Variants in RASSF3 observed in about 807,000 individuals in gnomAD.
RASSF3 encodes the protein Ras association domain family member 3.
RASSF3 carries 19 observed loss-of-function variants against 19.9 expected under a neutral mutation model. That is an observed-to-expected ratio of 0.96 (90% CI 0.67 to 1.40). The LOEUF (loss-of-function observed/expected upper bound fraction) is 1.40, where lower values mean the gene tolerates loss of function less well. RASSF3 is among the 40% of genes most tolerant of loss of function. The probability of loss-of-function intolerance (pLI) is 0.00; values close to 1 mark genes in which losing one functional copy is unlikely to be tolerated. For missense variants in RASSF3, 306 were observed against 289.8 expected (o/e 1.06, Z -0.41); for synonymous variants, 110 against 104.2 (o/e 1.06, Z -0.34).
At chr12:64,511,255 T>C (rs1228577523) in intron 1 of RASSF3, among the ~76,000 whole-genome samples, 1 of 152,194 alleles carries the variant, frequency 6.6e-6, no homozygotes, top group Non-Finnish European at 1.5e-5. Flanking sequence ...GGAGTTTATA[T>C]ACCAAATGCA....
intron 4 of RASSF3, among the ~76,000 whole-genome samples, chr12:64,693,381 A>G (rs539750620): frequency 2.0e-5 from 3 of 151,688 alleles, no homozygotes; most frequent in East Asian, 1.9e-4. Context: ...CCTCCTTGAC[A>G]TTCACTGCTT....
intron 1 of RASSF3, among the ~76,000 whole-genome samples, chr12:64,540,325 T>C (rs1470132350): frequency 6.6e-6 from 1 of 152,226 alleles, no homozygotes. Flanking sequence ...CTCTTATTTA[T>C]GTGTCTTAAT....
At chr12:64,666,425 A>G (rs1334969581) in intron 1 of RASSF3, among the ~76,000 whole-genome samples, 1 of 152,200 alleles carries the variant, frequency 6.6e-6, no homozygotes, top group East Asian at 1.9e-4. Context: ...GACTCTAAAA[A>G]TACCCTTTGG....
upstream of RASSF3, among the ~76,000 whole-genome samples, chr12:64,530,839 T>G (rs771727478): frequency 7.9e-5 from 12 of 152,236 alleles, no homozygotes; most frequent in Non-Finnish European, 1.3e-4. Flanking sequence ...CATCTTTTCA[T>G]GTACTTGTTT....
chr12:64,666,813 G>A (rs1409457174), intron 1 of RASSF3, among the ~76,000 whole-genome samples: 1 of 152,228 alleles, frequency 6.6e-6, no homozygotes, highest in East Asian at 1.9e-4. Flanking sequence ...TATTTGCACA[G>A]TATTTAGGTG....
intron 1 of RASSF3, among the ~76,000 whole-genome samples, chr12:64,536,432 T>C (rs1592393188): frequency 6.6e-6 from 1 of 152,328 alleles, no homozygotes; most frequent in East Asian, 1.9e-4. Context: ...ATCAAAAGAA[T>C]AAATGTTTCC....
intron 2 of RASSF3, among the ~76,000 whole-genome samples, chr12:64,552,462 C>G (rs1391566920): frequency 6.6e-6 from 1 of 152,116 alleles, no homozygotes; most frequent in Non-Finnish European, 1.5e-5. Flanking sequence ...CTGCACCTAT[C>G]AACCCATCAC....
chr12:64,691,736 G>GGAAGATAA (rs1868287437), intron 4 of RASSF3, among the ~76,000 whole-genome samples, 157 bp downstream of exon 4: 1 of 151,852 alleles, frequency 6.6e-6, no homozygotes, highest in East Asian at 1.9e-4. Context: ...GCAGGGAGAG[G>GGAAGATAA]GAGAGGGATT....
intron 2 of RASSF3, among the ~76,000 whole-genome samples, chr12:64,591,517 C>T (rs1869922779): frequency 6.6e-6 from 1 of 152,008 alleles, no homozygotes; most frequent in African/African-American, 2.4e-5. Flanking sequence ...TATAACAAAC[C>T]AATCATGTGC....
chr12:64,689,652 C>T (rs1873499026), intron 3 of RASSF3, among the ~76,000 whole-genome samples: 1 of 152,168 alleles, frequency 6.6e-6, no homozygotes, highest in Admixed American at 6.5e-5. Flanking sequence ...AAATATTACC[C>T]CCATGGCTGG....
chr12:64,567,025 A>G (rs940467158), intron 2 of RASSF3, among the ~76,000 whole-genome samples: 2 of 152,182 alleles, frequency 1.3e-5, no homozygotes, highest in Non-Finnish European at 2.9e-5. Context: ...GGCAGGGATA[A>G]TTGATTCTCT....
At chr12:64,572,185 A>G (rs1303801018) in intron 2 of RASSF3, among the ~76,000 whole-genome samples, 1 of 152,084 alleles carries the variant, frequency 6.6e-6, no homozygotes, top group African/African-American at 2.4e-5. Context: ...TGTTCCCCCA[A>G]AATTTATATG....
Position 64,610,632 on chromosome 12 carries a change from C to T in RASSF3, c.-1C>T. On this transcript the variant is annotated 5_prime_UTR_variant, in exon 1 of 5. Coordinates refer to ENST00000542104, the MANE Select transcript of RASSF3 (RefSeq NM_178169.4). ...CGCCCGCGCGCGACGGGACCGGCAG[C>T]ATGAGCAGCGGCTACAGCAGCCTGG... is the stretch of plus-strand genomic sequence containing the variant. 2 of 1,538,644 alleles carry T rather than the reference C, an allele frequency of 1.3e-6. No homozygotes were observed. Among genetic ancestry groups the T allele is most frequent in the East Asian group, 2.7e-5 (1 of 37,388 alleles).
chr12:64,640,851 A>G (rs1871490972), intron 1 of RASSF3, among the ~76,000 whole-genome samples: 2 of 151,996 alleles, frequency 1.3e-5, no homozygotes, highest in Non-Finnish European at 2.9e-5. Flanking sequence ...TATGTTGCTC[A>G]GGCTGGTCTC....
chr12:64,641,079 C>T (rs2682724), intron 1 of RASSF3, among the ~76,000 whole-genome samples: 83,869 of 151,884 alleles, frequency 0.55, 23,426 homozygotes, highest in Middle Eastern at 0.61. Flanking sequence ...TCGTTTGGAT[C>T]GTTTCCATGT....
rs142535343 is a variant in RASSF3 at position 64,515,182 on chromosome 12, G to A, written c.169+7853G>A. On this transcript the variant is annotated intron_variant, in intron 1 of 5. Transcript: ENST00000637125. ...AGCGATTCTCCTGCCTCAGCCTCCC[G>A]AGTAGCTGGGATTATAGGCGTCCAC... 6.7e-3 allele frequency among the ~76,000 whole-genome samples: 1,024 copies of A among 151,976 alleles called. 13 individuals are homozygous for A. The highest frequency in any genetic ancestry group is 0.024 in the African/African-American group (975 of 41,454).
At chr12:64,547,839 T>C (rs1310460458) in intron 2 of RASSF3, among the ~76,000 whole-genome samples, 1 of 152,200 alleles carries the variant, frequency 6.6e-6, no homozygotes, top group Admixed American at 6.5e-5. Context: ...AAACAATGCA[T>C]GATTATTAAA....
At position 64,686,503 on chromosome 12, in the gene RASSF3, C is replaced by T. The variant is rs111314895; in HGVS notation, c.219+1609C>T. Among the ~76,000 whole-genome samples, 522 of 152,088 alleles carry T rather than the reference C, an allele frequency of 3.4e-3. 4 individuals are homozygous for T. Among genetic ancestry groups the T allele is most frequent in the African/African-American group, 0.012 (491 of 41,476 alleles). On this transcript the variant is annotated intron_variant, in intron 2 of 4. Coordinates refer to ENST00000542104, the MANE Select transcript of RASSF3 (RefSeq NM_178169.4). ...GCGGGCGCCTGTAGTCCCAGCTACG[C>T]GGGAGGCTGAGGCAGAAGAATGGCG...
chr12:64,545,725 C>T (rs933594487), downstream of RASSF3, among the ~76,000 whole-genome samples: 1 of 152,092 alleles, frequency 6.6e-6, no homozygotes, highest in South Asian at 2.1e-4. Flanking sequence ...CCCAGGAGTT[C>T]GAGACCAGCC....
Sources: allele counts gnomAD v4.1 joint callset (sites outside exome capture counted in the v4.1 genomes callset), GRCh38; gene constraint gnomAD v4.1.1; transcripts MANE v1.5; gene names NCBI Gene and HGNC (gene_info 2026-07-23, HGNC 2026-07-21).